The following GLIS1 variants were observed in gnomAD, a reference collection of about 807,000 sequenced individuals.
The protein encoded by GLIS1 is GLIS family zinc finger 1, also known as zinc finger protein GLIS1.
Under a neutral mutation model 63.8 loss-of-function variants are expected in GLIS1, and 24 were observed. That is an observed-to-expected ratio of 0.38 (90% CI 0.27 to 0.53). The LOEUF is 0.53. Among genes scored for constraint, GLIS1 ranks in the 20% least tolerant of loss-of-function variants. The pLI is 0.85. For synonymous variants in GLIS1, 450 were observed against 482.5 expected (o/e 0.93, Z 0.88); for missense variants, 1,036 against 1,074.1 (o/e 0.96, Z 0.50).
intron 2 of GLIS1, among the ~76,000 whole-genome samples, chr1:53,664,145 G>A (rs1043778315): frequency 6.6e-6 from 1 of 152,162 alleles, no homozygotes; most frequent in Non-Finnish European, 1.5e-5. Flanking sequence ...CCAGGGGAAA[G>A]CCTGGCACAT....
At chr1:53,571,936 A>G (rs554586569) in intron 4 of GLIS1, among the ~76,000 whole-genome samples, 12 of 152,296 alleles carry the variant, frequency 7.9e-5, no homozygotes, top group African/African-American at 2.9e-4. Flanking sequence ...ACAGTATGAG[A>G]CTATTTTTAT....
At chr1:53,630,560 A>G (rs1645641224) in intron 2 of GLIS1, among the ~76,000 whole-genome samples, 1 of 151,734 alleles carries the variant, frequency 6.6e-6, no homozygotes, top group African/African-American at 2.4e-5. Context: ...CAATGGCACA[A>G]TCTTGGCTCA....
intron 2 of GLIS1, among the ~76,000 whole-genome samples, chr1:53,688,118 G>A (rs937422296): frequency 6.6e-6 from 1 of 152,200 alleles, no homozygotes; most frequent in African/African-American, 2.4e-5. Flanking sequence ...GCAGGCTCTG[G>A]CCCTGTGTGT....
Position 53,539,278 on chromosome 1 carries a change from C to CCACACA in GLIS1, c.1321-9327_1321-9326insTGTGTG, listed in dbSNP as rs35903306. Among the ~76,000 whole-genome samples the CCACACA allele has an allele frequency of 8.9e-5, 5 of 56,460 alleles. No homozygotes were observed. The highest frequency in any genetic ancestry group is 2.5e-4 in the African/African-American group (5 of 20,054). 37.0% of individuals were successfully genotyped at this position (56,460 alleles called of 152,430 possible). A position where few individuals can be genotyped will look rare whatever the true frequency, so the allele number is the denominator to read the frequency against. ...CACACACACCAAGACCCAGAAACTC[C>CCACACA]CTCACACACACACACACACACTACA... is the stretch of plus-strand genomic sequence containing the variant. On this transcript the variant is annotated intron_variant, in intron 4 of 10. Transcript: ENST00000628545. This position sits in a 1 kb window ranked among gnomAD's most constrained non-coding sequence, Gnocchi z 5.0.
At chr1:53,662,090 C>T (rs762651319) in intron 2 of GLIS1, among the ~76,000 whole-genome samples, 1 of 152,204 alleles carries the variant, frequency 6.6e-6, no homozygotes, top group Non-Finnish European at 1.5e-5. Context: ...CTGCCCCCTG[C>T]GAAAAGGCTT....
chr1:53,603,989 G>T (rs955773992), intron 2 of GLIS1, among the ~76,000 whole-genome samples: 2 of 152,184 alleles, frequency 1.3e-5, no homozygotes, highest in African/African-American at 4.8e-5. Context: ...TTTTAAGCTA[G>T]GTAAGAATTT....
At chr1:53,700,898 T>C (rs1430120148) in intron 2 of GLIS1, among the ~76,000 whole-genome samples, 2 of 152,266 alleles carry the variant, frequency 1.3e-5, no homozygotes, top group Non-Finnish European at 1.5e-5. Flanking sequence ...TCTGGCTTCT[T>C]CCACACAGCA....
intron 2 of GLIS1, among the ~76,000 whole-genome samples, chr1:53,685,122 G>C (rs1262560897): frequency 6.6e-6 from 1 of 152,176 alleles, no homozygotes; most frequent in Non-Finnish European, 1.5e-5. Context: ...CCAGCAAAAA[G>C]GCCATGAGCA....
chr1:53,569,664 T>C (rs1024315988), intron 4 of GLIS1, among the ~76,000 whole-genome samples: 1 of 152,110 alleles, frequency 6.6e-6, no homozygotes, highest in South Asian at 2.1e-4. Context: ...ATGTTCTTTA[T>C]TCACATCTAT....
At chr1:53,540,071 C>G (rs868524505) in intron 4 of GLIS1, among the ~76,000 whole-genome samples, 2 of 152,176 alleles carry the variant, frequency 1.3e-5, no homozygotes, top group Non-Finnish European at 2.9e-5. Context: ...TCACTGTCAT[C>G]CCGATGCTGC....
chr1:53,660,582 A>G (rs886921133), intron 2 of GLIS1, among the ~76,000 whole-genome samples: 5 of 152,194 alleles, frequency 3.3e-5, no homozygotes, highest in African/African-American at 1.2e-4. Flanking sequence ...CGTGGACTAC[A>G]GTCCCCTTGA....
chr1:53,597,730 G>A (rs1475488032), intron 3 of GLIS1, among the ~76,000 whole-genome samples: 1 of 152,082 alleles, frequency 6.6e-6, no homozygotes, highest in Non-Finnish European at 1.5e-5. Flanking sequence ...TTTTCTTTAG[G>A]AAAATGAGCG....
chr1:53,634,490 C>T (rs533472297), intron 2 of GLIS1, among the ~76,000 whole-genome samples: 4 of 152,250 alleles, frequency 2.6e-5, no homozygotes, highest in South Asian at 2.1e-4. Flanking sequence ...GCGTGTAGAA[C>T]GCTCAGCTGT....
intron 4 of GLIS1, among the ~76,000 whole-genome samples, chr1:53,550,120 A>G (rs1398696674): frequency 6.6e-6 from 1 of 152,212 alleles, no homozygotes; most frequent in Non-Finnish European, 1.5e-5. Flanking sequence ...CCTGTATTCA[A>G]TTTTATTCGC....
chr1:53,509,170 G>C lies in GLIS1; in HGVS notation c.2180C>G (p.Pro727Arg). Residue 727 changes from proline to arginine, a missense_variant, in exon 10 of 11, where the codon CCC becomes CGC. This residue lies in a region of GLIS1 where 400 missense variants were observed against 400.9 expected (regional missense o/e 1.00). Coordinates refer to ENST00000628545, the MANE Select transcript of GLIS1 (RefSeq NM_001367484.1). The stretch of plus-strand genomic sequence containing the variant: ...GCTGTGGTAGCCATTGGGCCGCAGG[G>C]GGTTGAAACCGTGGGTCTCCCCGAC... The part of the protein sequence containing the change: ...GLVGETHGFN[P>R]LRPNGYHSLS... 1 of 1,601,650 alleles carries C rather than the reference G, an allele frequency of 6.2e-7. No homozygotes were observed. Among genetic ancestry groups the C allele is most frequent in the Non-Finnish European group, 8.5e-7 (1 of 1,174,862 alleles).
chr1:53,530,226 C>T (rs983491431), intron 4 of GLIS1, among the ~76,000 whole-genome samples: 1 of 152,216 alleles, frequency 6.6e-6, no homozygotes, highest in Admixed American at 6.5e-5. Context: ...ACCCGAAAGG[C>T]TCCCCTCCCC....
At chr1:53,587,086 C>T (rs1042237255) in intron 4 of GLIS1, among the ~76,000 whole-genome samples, 1 of 152,166 alleles carries the variant, frequency 6.6e-6, no homozygotes, top group Admixed American at 6.5e-5. Context: ...CTAGGAAAGG[C>T]ATTCTAGACA....
rs915559129 is a variant in GLIS1 at position 53,606,230 on chromosome 1, C to T, written c.260-5952G>A. On this transcript the variant is annotated intron_variant, in intron 2 of 10. Transcript: ENST00000628545. ...CAGGCAGAGAGACATGGTCAACAGC[C>T]CCTGGGGTAGACCTATTTTCCTGGG... 3.3e-5 allele frequency among the ~76,000 whole-genome samples: 5 copies of T among 152,318 alleles called. No homozygotes were observed. In the South Asian group the frequency reaches 6.2e-4, roughly 19 times the overall value.
At chr1:53,688,218 G>A (rs937592997) in intron 2 of GLIS1, among the ~76,000 whole-genome samples, 4 of 152,216 alleles carry the variant, frequency 2.6e-5, no homozygotes, top group African/African-American at 9.6e-5. Context: ...ACATCCCCAC[G>A]GGCTCATCGC....
Sources: gnomAD v4.1 joint callset for allele counts (sites outside exome capture counted in the v4.1 genomes callset) on GRCh38, gnomAD v4.1.1 for gene constraint, gnomAD v4.1.1 regional missense constraint, Gnocchi (gnomAD v3.1) non-coding constraint, MANE v1.5 for transcripts, NCBI Gene and HGNC (gene_info 2026-07-23, HGNC 2026-07-21) for gene names.